VPS13D: variants seen among roughly 807,000 people sequenced by gnomAD.
The protein encoded by VPS13D is intermembrane lipid transfer protein VPS13D.
A neutral mutation model predicts 461.9 loss-of-function variants in VPS13D; 187 were observed. The ratio of observed to expected loss-of-function variants is 0.40; its 90% CI spans 0.36 to 0.46. VPS13D has a LOEUF of 0.46. Ranked by LOEUF, VPS13D falls within the 20% of genes least tolerant of loss-of-function variation. The probability of loss-of-function intolerance (pLI) is 0.60; values close to 1 mark genes in which losing one functional copy is unlikely to be tolerated. For synonymous variants in VPS13D, 1,951 were observed against 1,986.3 expected (o/e 0.98, Z 0.47); for missense variants, 4,711 against 5,364.9 (o/e 0.88, Z 3.81).
rs183756241 is a variant in VPS13D, at chr1:12,511,209, C to T, written c.*2185C>T. ...AGCTCTTTAAATAGCTGCCCATCTC[C>T]TGTGATTGCACAACCAAGCACTTTG... On this transcript the variant is annotated 3_prime_UTR_variant, in exon 70 of 70. Transcript: ENST00000620676. This position sits in a 1 kb window ranked among gnomAD's most constrained non-coding sequence, Gnocchi z 4.5. 2 of 151,816 alleles carry T rather than the reference C, an allele frequency of 1.3e-5. No homozygotes were observed. The highest frequency in any genetic ancestry group is 4.8e-5 in the African/African-American group (2 of 41,492). 9.4% of individuals were successfully genotyped at this position (151,816 alleles called of 1,614,324 possible).
At chr1:12,240,535 C>A (rs566388195) in intron 2 of VPS13D, among the ~76,000 whole-genome samples, 10 of 136,238 alleles carry the variant, frequency 7.3e-5, no homozygotes, top group African/African-American at 2.8e-4. Flanking sequence ...GCGGAGTTTG[C>A]AGTGAGCCGA....
In VPS13D at chr1:12,356,175, A is replaced by G; in HGVS notation, c.9871+85A>G. On this transcript the variant is annotated intron_variant, in intron 48 of 69. Transcript: ENST00000620676. ...TTGCTTAGCTAACTAAATGGAGCCA[A>G]TGCAAATAGATTACTTCAACAGTCT... The G allele has an allele frequency of 2.7e-6, 4 of 1,478,456 alleles. No homozygotes were observed. The Admixed American group carries it at 6.5e-5, about 24-fold the overall frequency. 91.6% of individuals were successfully genotyped at this position (1,478,456 alleles called of 1,614,324 possible). A position where few individuals can be genotyped will look rare whatever the true frequency, so the allele number is the denominator to read the frequency against.
At chr1:12,346,702 C>T (rs1297177164) in intron 44 of VPS13D, 50 bp downstream of exon 44, 11 of 1,491,780 alleles carry the variant, frequency 7.4e-6, no homozygotes, top group Non-Finnish European at 1.0e-5. Flanking sequence ...ATATACACTG[C>T]ACCTGAATCA....
intron 50 of VPS13D, among the ~76,000 whole-genome samples, chr1:12,360,355 T>C (rs1033917670): frequency 6.6e-6 from 1 of 152,286 alleles, no homozygotes; most frequent in East Asian, 1.9e-4. Flanking sequence ...TAGTCCAAAC[T>C]GAAAAGCCAG....
chr1:12,444,343 A>G (rs1223019331), intron 65 of VPS13D, among the ~76,000 whole-genome samples: 7 of 151,782 alleles, frequency 4.6e-5, no homozygotes, highest in Admixed American at 3.9e-4. Context: ...TTTAGTTTCT[A>G]TTAATAATAT....
In VPS13D at chr1:12,471,022, C is replaced by T. The variant is rs566418422; in HGVS notation, c.12662+10626C>T. Among the ~76,000 whole-genome samples, 3 of 152,192 alleles carry T rather than the reference C, an allele frequency of 2.0e-5. 1 individual carries two copies. The highest frequency in any genetic ancestry group is 6.5e-5 in the Admixed American group (1 of 15,296). ...GTGCAATTAATAAGAACAATGGGGG[C>T]CAGGCATGGTGGCTCAAGCCTGTAA... On this transcript the variant is annotated intron_variant, in intron 67 of 69. Coordinates refer to ENST00000620676, the MANE Select transcript of VPS13D (RefSeq NM_015378.4).
intron 40 of VPS13D, 64 bp from the exon 41 acceptor site, chr1:12,341,716 T>C: frequency 6.7e-7 from 1 of 1,483,536 alleles, no homozygotes; most frequent in Admixed American, 1.7e-5. Context: ...GTCTCCAGGT[T>C]GGGGGAGGGT....
At chr1:12,492,447 A>T (rs1264139089) in intron 67 of VPS13D, among the ~76,000 whole-genome samples, 1 of 152,242 alleles carries the variant, frequency 6.6e-6, no homozygotes, top group Non-Finnish European at 1.5e-5. Flanking sequence ...CACATTTCAC[A>T]TGCTCAGTAG....
chr1:12,278,292 C>T lies in VPS13D; in HGVS notation c.4450+254C>T, dbSNP rs146991230. Among the ~76,000 whole-genome samples the T allele has an allele frequency of 7.9e-5, 12 of 152,020 alleles. No individual in the cohort carries two copies. In the East Asian group the frequency reaches 9.6e-4, roughly 12 times the overall value. ...TTTTTATTTTTTTGGTTTTTTGAGA[C>T]GGAGTTTTGCTCTTGTTGCCCAGGC... On this transcript the variant is annotated intron_variant, in intron 19 of 69. Transcript: ENST00000620676.
rs181184732 is a variant in VPS13D, at chr1:12,338,383, G to A, written c.8626+78G>A. 3.0e-6 allele frequency: 4 copies of A among 1,340,984 alleles called. No homozygotes were observed. The Admixed American group carries it at 6.9e-5, about 23-fold the overall frequency. The allele number at this position is 1,340,984 out of a possible 1,614,324, so 83.1% of individuals were successfully genotyped here. A position where few individuals can be genotyped will look rare whatever the true frequency, so the allele number is the denominator to read the frequency against. ...CTTGTACATCAATTTTTTTTTTAAT[G>A]AGTGGGAGTTGAATTGGGGGTATTC... On this transcript the variant is annotated intron_variant, in intron 40 of 69. Coordinates refer to ENST00000620676, the MANE Select transcript of VPS13D (RefSeq NM_015378.4).
rs150292170 is a variant in VPS13D, at chr1:12,395,487, T to C, written c.11635-4694T>C. ...CACTTGCATGACAAGAGCTTGTGTC[T>C]GTTTTTCCACAATTTCAGCTCTTTC... On this transcript the variant is annotated intron_variant, in intron 60 of 69. Transcript: ENST00000620676. Among the ~76,000 whole-genome samples, 908 of 152,304 alleles carry C rather than the reference T, an allele frequency of 6.0e-3. 15 individuals are homozygous for C. Among genetic ancestry groups the C allele is most frequent in the African/African-American group, 0.021 (861 of 41,562 alleles).
chr1:12,300,372 G>T (rs1291901376), intron 25 of VPS13D, among the ~76,000 whole-genome samples: 1 of 151,752 alleles, frequency 6.6e-6, no homozygotes, highest in Non-Finnish European at 1.5e-5. Context: ...CACACCCAGC[G>T]AGTTTTTATG....
intron 16 of VPS13D, 69 bp downstream of exon 16, chr1:12,268,945 C>T (rs762952219): frequency 6.5e-7 from 1 of 1,540,992 alleles, no homozygotes; most frequent in Non-Finnish European, 8.7e-7. Flanking sequence ...TTCTGGTGTT[C>T]TGGACAAGGG....
chr1:12,391,746 C>G (rs1644429615), intron 60 of VPS13D, among the ~76,000 whole-genome samples: 1 of 152,136 alleles, frequency 6.6e-6, no homozygotes, highest in Non-Finnish European at 1.5e-5. Flanking sequence ...ATTTGGGTAA[C>G]TGTAAATCTA....
intron 60 of VPS13D, 84 bp downstream of exon 60, chr1:12,386,418 C>A: frequency 7.1e-7 from 1 of 1,417,698 alleles, no homozygotes; most frequent in South Asian, 1.5e-5. Flanking sequence ...GTTCTAAGAA[C>A]TTTAATGTTT....
At chr1:12,291,983 G>T (rs1052624899) in intron 23 of VPS13D, among the ~76,000 whole-genome samples, 5 of 152,164 alleles carry the variant, frequency 3.3e-5, no homozygotes, top group Non-Finnish European at 4.4e-5. Context: ...TCAGGGCTGG[G>T]CGTGGTGGCT....
At chr1:12,436,791 C>T (rs570632687) in intron 65 of VPS13D, among the ~76,000 whole-genome samples, 3 of 152,236 alleles carry the variant, frequency 2.0e-5, no homozygotes, top group Admixed American at 2.0e-4. Flanking sequence ...GCCTCTGCCT[C>T]CCGAGTAGCT....
chr1:12,364,832 A>G (rs1226344257), intron 52 of VPS13D, among the ~76,000 whole-genome samples: 2 of 152,106 alleles, frequency 1.3e-5, no homozygotes, highest in Non-Finnish European at 2.9e-5. Flanking sequence ...TCCTTTGCCA[A>G]TTTTTGAATT....
chr1:12,292,435 C>G (rs1439349152), intron 23 of VPS13D, among the ~76,000 whole-genome samples: 1 of 96,918 alleles, frequency 1.0e-5, no homozygotes, highest in Non-Finnish European at 2.0e-5. Flanking sequence ...TGCTCAGTCT[C>G]TTTTTTTTTT....
Sources: allele counts gnomAD v4.1 joint callset (sites outside exome capture counted in the v4.1 genomes callset), GRCh38; gene constraint gnomAD v4.1.1; non-coding constraint Gnocchi (gnomAD v3.1); transcripts MANE v1.5; gene names NCBI Gene and HGNC (gene_info 2026-07-23, HGNC 2026-07-21).